C10orf53: variants seen among roughly 807,000 people sequenced by gnomAD.
C10orf53 encodes chromosome 10 open reading frame 53.
A neutral mutation model predicts 9.4 loss-of-function variants in C10orf53; 8 were observed. That is an observed-to-expected ratio of 0.85 (90% CI 0.50 to 1.53). The LOEUF is 1.53. C10orf53 is among the 40% of genes most tolerant of loss of function. The pLI is 0.00. For synonymous variants in C10orf53, 48 were observed against 46.0 expected (o/e 1.04, Z -0.18); for missense variants, 117 against 117.8 (o/e 0.99, Z 0.03).
At chr10:49,693,117 A>G (rs1840600462) in intron 1 of C10orf53, among the ~76,000 whole-genome samples, 1 of 152,198 alleles carries the variant, frequency 6.6e-6, no homozygotes, top group Admixed American at 6.5e-5. Flanking sequence ...TTTTCTTGCC[A>G]TTAAAAAAGT....
In C10orf53 at chr10:49,696,961, G is replaced by T. The variant is rs751611106; in HGVS notation, c.*2359G>T. Among the ~76,000 whole-genome samples the T allele has an allele frequency of 6.6e-6, 1 of 152,226 alleles. No homozygotes were observed. The highest frequency in any genetic ancestry group is 2.4e-5 in the African/African-American group (1 of 41,446). Reference sequence around the variant, plus strand: ...AATCCCAGCACTTTGGGAATCCAAGGTGGGTGGATTTGTTTGAACACAGGA... The same window carrying T: ...AATCCCAGCACTTTGGGAATCCAAGTTGGGTGGATTTGTTTGAACACAGGA... On this transcript the variant is annotated 3_prime_UTR_variant, in exon 3 of 3. Transcript: ENST00000374111.
chr10:49,699,190 C>CTTTTTTTTT (rs67695235), downstream of C10orf53, among the ~76,000 whole-genome samples: 616 of 64,896 alleles, frequency 9.5e-3, 146 homozygotes, highest in African/African-American at 0.027. Context: ...GTGGCTCAAT[C>CTTTTTTTTT]TTTTTTTTTT....
chr10:49,689,480 T>C (rs183452450), intron 1 of C10orf53, among the ~76,000 whole-genome samples: 1 of 152,328 alleles, frequency 6.6e-6, no homozygotes. Context: ...TGTGATCATA[T>C]ACTGTAGAAT....
rs1249714987 is a variant in C10orf53 at position 49,694,723 on chromosome 10, C to A, written c.*121C>A. The A allele has an allele frequency of 3.3e-6, 5 of 1,511,526 alleles. No individual in the cohort carries two copies. Among genetic ancestry groups the A allele is most frequent in the South Asian group, 1.3e-5 (1 of 76,904 alleles). 93.6% of individuals were successfully genotyped at this position (1,511,526 alleles called of 1,614,324 possible). A position where few individuals can be genotyped will look rare whatever the true frequency, so the allele number is the denominator to read the frequency against. ...CTGGGCTCTGCTAGTCAGAACAGGGCAACTCGGGCCTGACCTCCAGCTTAC... is the reference window on the plus strand; with the variant it reads ...CTGGGCTCTGCTAGTCAGAACAGGGAAACTCGGGCCTGACCTCCAGCTTAC... On this transcript the variant is annotated 3_prime_UTR_variant, in exon 3 of 3. Transcript: ENST00000374111.
intron 1 of C10orf53, among the ~76,000 whole-genome samples, chr10:49,690,899 T>C (rs533581047): frequency 1.3e-5 from 2 of 152,314 alleles, no homozygotes; most frequent in South Asian, 4.1e-4. Context: ...CAGCGGCATT[T>C]AAATCATTCG....
rs151206335 is a variant in C10orf53 at position 49,684,330 on chromosome 10, A to G, written c.97+4536A>G. On this transcript the variant is annotated intron_variant, in intron 1 of 2. Coordinates refer to ENST00000374111, the MANE Select transcript of C10orf53 (RefSeq NM_001042427.3). ...CTTAGTTTTTTCTCAAGATTGTTTT[A>G]TCTATTTTAGGTCCCTTGCAGTTCC... 9.7e-4 allele frequency among the ~76,000 whole-genome samples: 148 copies of G among 152,262 alleles called. 1 individual carries two copies. The highest frequency in any genetic ancestry group is 3.3e-3 in the African/African-American group (137 of 41,554).
chr10:49,708,519 T>C (rs141095206), exon 3 of C10orf53: 11 of 1,614,204 alleles, frequency 6.8e-6, no homozygotes, highest in African/African-American at 4.0e-5. Context: ...GATTGGATCA[T>C]GTATCCATTT....
chr10:49,707,887 A>G (rs1168505562), intron 2 of C10orf53, among the ~76,000 whole-genome samples: 4 of 151,964 alleles, frequency 2.6e-5, no homozygotes, highest in African/African-American at 7.3e-5. Flanking sequence ...AAAAAAAAAA[A>G]CCCATTGACC....
Position 49,696,469 on chromosome 10 carries a change from T to G in C10orf53, c.*1867T>G, listed in dbSNP as rs138477062. On this transcript the variant is annotated 3_prime_UTR_variant, in exon 3 of 3. Coordinates refer to ENST00000374111, the MANE Select transcript of C10orf53 (RefSeq NM_001042427.3). ...CCGGCATTAAACTGGTAACAAGTGC[T>G]TCCCTCGGCAGCCCCATGCCCTCCT... Among the ~76,000 whole-genome samples the G allele has an allele frequency of 2.3e-3, 343 of 152,310 alleles. 4 individuals are homozygous for G. Among genetic ancestry groups the G allele is most frequent in the African/African-American group, 7.7e-3 (318 of 41,568 alleles).
At chr10:49,683,204 T>A (rs1160453964) in intron 1 of C10orf53, among the ~76,000 whole-genome samples, 5 of 152,254 alleles carry the variant, frequency 3.3e-5, no homozygotes, top group Non-Finnish European at 7.3e-5. Context: ...TTTTCTTTGG[T>A]TTTAATTACA....
At chr10:49,705,030 A>G (rs550822824) in intron 2 of C10orf53, among the ~76,000 whole-genome samples, 1 of 152,378 alleles carries the variant, frequency 6.6e-6, no homozygotes, top group South Asian at 2.1e-4. Context: ...ATCACTAACA[A>G]GGGCCTGGTT....
At chr10:49,684,625 A>C (rs971189773) in intron 1 of C10orf53, among the ~76,000 whole-genome samples, 5 of 152,152 alleles carry the variant, frequency 3.3e-5, no homozygotes, top group Non-Finnish European at 7.3e-5. Flanking sequence ...CTATAAATGG[A>C]ATTGTTTTCT....
chr10:49,706,379 T>C (rs945595304), intron 2 of C10orf53, among the ~76,000 whole-genome samples: 26 of 152,228 alleles, frequency 1.7e-4, no homozygotes, highest in Admixed American at 1.5e-3. Flanking sequence ...GGTCTATCCA[T>C]ACAATAGAAT....
chr10:49,688,891 T>A (rs771875038), intron 1 of C10orf53, among the ~76,000 whole-genome samples: 1 of 152,216 alleles, frequency 6.6e-6, no homozygotes, highest in Non-Finnish European at 1.5e-5. Flanking sequence ...TCCCTCTTCC[T>A]GATCTCCCTT....
At chr10:49,693,350 T>C (rs906285802) in intron 1 of C10orf53, among the ~76,000 whole-genome samples, 1 of 152,244 alleles carries the variant, frequency 6.6e-6, no homozygotes, top group African/African-American at 2.4e-5. Flanking sequence ...GAATCATTTT[T>C]TGAGGCTTTT....
intron 2 of C10orf53, among the ~76,000 whole-genome samples, chr10:49,704,599 C>T (rs1439968216): frequency 6.6e-6 from 1 of 152,048 alleles, no homozygotes; most frequent in African/African-American, 2.4e-5. Context: ...AAAAAATTAG[C>T]TAGGCATGGT....
At chr10:49,706,992 A>C (rs1432526679) in intron 2 of C10orf53, among the ~76,000 whole-genome samples, 2 of 152,230 alleles carry the variant, frequency 1.3e-5, no homozygotes, top group Non-Finnish European at 2.9e-5. Context: ...ACAGGAGGAA[A>C]ACAATCCTTT....
At chr10:49,688,082 T>C (rs534830165) in intron 1 of C10orf53, among the ~76,000 whole-genome samples, 6 of 152,264 alleles carry the variant, frequency 3.9e-5, no homozygotes, top group Non-Finnish European at 7.4e-5. Flanking sequence ...CAAATTTATG[T>C]CTTTAATCAG....
At chr10:49,686,804 G>T (rs180687287) in intron 1 of C10orf53, among the ~76,000 whole-genome samples, 1 of 152,140 alleles carries the variant, frequency 6.6e-6, no homozygotes, top group Non-Finnish European at 1.5e-5. Context: ...AGTGCACAGC[G>T]GGACATAGAC....
Sources: gnomAD v4.1 joint callset for allele counts (sites outside exome capture counted in the v4.1 genomes callset) on GRCh38, gnomAD v4.1.1 for gene constraint, MANE v1.5 for transcripts, NCBI Gene and HGNC (gene_info 2026-07-23, HGNC 2026-07-21) for gene names.